The following RBBP5 variants were observed in gnomAD, a reference collection of about 807,000 sequenced individuals.
RBBP5 encodes the protein RB binding protein 5, histone lysine methyltransferase complex subunit.
RBBP5 carries 5 observed loss-of-function variants against 72.2 expected under a neutral mutation model. The ratio of observed to expected loss-of-function variants is 0.07; its 90% confidence interval spans 0.04 to 0.15. The LOEUF (loss-of-function observed/expected upper bound fraction) is 0.15. RBBP5 is among the 10% of genes least tolerant of loss of function. RBBP5 has a pLI of 1.00. For missense variants in RBBP5, 322 were observed against 652.2 expected, an observed-to-expected ratio of 0.49 and a Z score of 5.51; for synonymous variants, 209 against 237.2, an observed-to-expected ratio of 0.88 and a Z score of 1.09.
intron 1 of RBBP5, chr1:205,116,292 T>C (rs1292575850): frequency 2.7e-6 from 1 of 376,722 alleles, no homozygotes; most frequent in Non-Finnish European, 5.3e-6. Context: ...TGGTTATTTC[T>C]ATATAATATG....
At chr1:205,114,733 T>C (rs893856589) in intron 3 of RBBP5, 56 bp downstream of exon 3, 7 of 1,382,134 alleles carry the variant, frequency 5.1e-6, no homozygotes, top group Non-Finnish European at 6.8e-6. Flanking sequence ...GATTTGCAAA[T>C]ATATAGTCAT....
chr1:205,112,664 A>G (rs1009123854), intron 3 of RBBP5, among the ~76,000 whole-genome samples: 1 of 151,690 alleles, frequency 6.6e-6, no homozygotes, highest in African/African-American at 2.4e-5. Flanking sequence ...GTAGTTGAGG[A>G]AAAAAAACAG....
intron 5 of RBBP5, among the ~76,000 whole-genome samples, chr1:205,102,634 G>A (rs570138581): frequency 6.6e-6 from 1 of 152,272 alleles, no homozygotes; most frequent in African/African-American, 2.4e-5. Flanking sequence ...CCACTGAACT[G>A]TACAGTTAAA....
intron 13 of RBBP5, 46 bp downstream of exon 13, chr1:205,094,827 G>T: frequency 6.4e-7 from 1 of 1,558,648 alleles, no homozygotes; most frequent in South Asian, 1.2e-5. Context: ...GCTACACAAA[G>T]CAAGGCCACG....
chr1:205,103,763 C>A (rs1655940418), intron 5 of RBBP5, 94 bp downstream of exon 5: 7 of 1,453,320 alleles, frequency 4.8e-6, no homozygotes, highest in Non-Finnish European at 6.6e-6. Context: ...TGTGCTTAGT[C>A]CAAGAATAAA....
At chr1:205,108,681 T>C (rs183699371) in intron 3 of RBBP5, among the ~76,000 whole-genome samples, 8 of 152,334 alleles carry the variant, frequency 5.3e-5, no homozygotes, top group Admixed American at 3.9e-4. Flanking sequence ...GGAGGTGCTA[T>C]TGAGAAACTC....
rs183022744 is a variant in RBBP5, at chr1:205,117,874, A to T, written c.20-1991T>A. 1.1e-3 allele frequency among the ~76,000 whole-genome samples: 164 copies of T among 151,946 alleles called. 1 individual carries two copies. The highest frequency in any genetic ancestry group is 3.7e-3 in the African/African-American group (154 of 41,464). On this transcript the variant is annotated intron_variant, in intron 1 of 13. Coordinates refer to ENST00000264515, the MANE Select transcript of RBBP5 (RefSeq NM_005057.4). ...TTGTCTCCCAAGCTGGAATGCAATG[A>T]TGTTGGCTCCCTCCAACCTCTGCCT...
At chr1:205,113,201 ATTTTG>A (rs1656386435) in intron 3 of RBBP5, among the ~76,000 whole-genome samples, 1 of 152,124 alleles carries the variant, frequency 6.6e-6, no homozygotes, top group Admixed American at 6.5e-5. Flanking sequence ...AGTTATCTCT[ATTTTG>A]TTTTATTTTC....
intron 3 of RBBP5, among the ~76,000 whole-genome samples, chr1:205,110,279 G>A (rs1157129293): frequency 6.6e-6 from 1 of 152,000 alleles, no homozygotes; most frequent in Non-Finnish European, 1.5e-5. Flanking sequence ...CTCGGCCTCT[G>A]AAAGTGCTGG....
At chr1:205,095,095 C>A in intron 12 of RBBP5, 31 bp from the exon 13 acceptor site, 1 of 1,604,740 alleles carries the variant, frequency 6.2e-7, no homozygotes, top group Non-Finnish European at 8.5e-7. Flanking sequence ...GAAAGGAATC[C>A]ACATGACACC....
At position 205,099,092 on chromosome 1, in the gene RBBP5, T is replaced by C; in HGVS notation, c.993A>G (p.Ala331=). 1.9e-6 allele frequency: 3 copies of C among 1,606,696 alleles called. No homozygotes were observed. The highest frequency in any genetic ancestry group is 2.2e-5 in the South Asian group (2 of 89,860). ...WAQNQVENWS[A]FAPDFKELDE... ...CCAATTCTTTGAAGTCTGGTGCAAATGCACTCCAGTTTTCCTATACAACAA... is the reference window on the plus strand; with the variant it reads ...CCAATTCTTTGAAGTCTGGTGCAAACGCACTCCAGTTTTCCTATACAACAA... Residue 331 remains alanine (A), a synonymous_variant, in exon 10 of 14, where the codon GCA becomes GCG. Transcript: ENST00000264515. This position sits in a 1 kb window ranked among gnomAD's most constrained non-coding sequence, Gnocchi z 4.7.
chr1:205,097,487 A>G, intron 10 of RBBP5, 92 bp from the exon 11 acceptor site: 2 of 1,248,914 alleles, frequency 1.6e-6, no homozygotes, highest in Non-Finnish European at 2.3e-6. Flanking sequence ...GAAATTCCAG[A>G]GAAACAAAGG....
At chr1:205,111,388 C>A (rs942042618) in intron 3 of RBBP5, among the ~76,000 whole-genome samples, 6 of 152,174 alleles carry the variant, frequency 3.9e-5, no homozygotes, top group African/African-American at 1.4e-4. Flanking sequence ...TAAGATCTTA[C>A]AGGGAAGATA....
intron 10 of RBBP5, among the ~76,000 whole-genome samples, chr1:205,098,256 C>G (rs1001839657): frequency 1.3e-5 from 2 of 152,150 alleles, no homozygotes. Context: ...GTATTTTGCC[C>G]AAGGCAGTCT....
chr1:205,095,255 G>T (rs1655565226), intron 12 of RBBP5, among the ~76,000 whole-genome samples, 191 bp from the exon 13 acceptor site: 1 of 152,104 alleles, frequency 6.6e-6, no homozygotes, highest in African/African-American at 2.4e-5. Flanking sequence ...TGGCCAAAAG[G>T]CACACATGGC....
chr1:205,115,908 G>A (rs1368515377), intron 1 of RBBP5, 25 bp from the exon 2 acceptor site: 1 of 1,613,532 alleles, frequency 6.2e-7, no homozygotes, highest in Non-Finnish European at 8.5e-7. Context: ...AGAAAGAGTT[G>A]ATGGCACATG....
chr1:205,101,039 C>T (rs562815091), intron 6 of RBBP5, among the ~76,000 whole-genome samples: 6 of 152,330 alleles, frequency 3.9e-5, no homozygotes, highest in African/African-American at 7.2e-5. Flanking sequence ...TAATGCTCAC[C>T]TCCAGCTGTG....
chr1:205,088,581 G>T lies in RBBP5; in HGVS notation c.*206C>A. ...ATCTTCATTCCTGAGAGTCTATTTG[G>T]ACTTATGCTTGAAAGGGAAGGGAAG... On this transcript the variant is annotated 3_prime_UTR_variant, in exon 14 of 14. Transcript: ENST00000264515. 1.9e-6 allele frequency: 1 copy of T among 536,348 alleles called. No individual in the cohort carries two copies. Among genetic ancestry groups the T allele is most frequent in the Non-Finnish European group, 3.2e-6 (1 of 307,950 alleles). The allele number at this position is 536,348 out of a possible 1,614,324, so 33.2% of individuals were successfully genotyped here. A position where few individuals can be genotyped will look rare whatever the true frequency, so the allele number is the denominator to read the frequency against.
chr1:205,101,551 A>T (rs958007062), intron 6 of RBBP5, 49 bp downstream of exon 6: 1 of 1,328,688 alleles, frequency 7.5e-7, no homozygotes, highest in Admixed American at 2.3e-5. Flanking sequence ...GTATTTTTGC[A>T]TTCTATTCAC....
Sources: allele counts gnomAD v4.1 joint callset (sites outside exome capture counted in the v4.1 genomes callset), GRCh38; gene constraint gnomAD v4.1.1; non-coding constraint Gnocchi (gnomAD v3.1); transcripts MANE v1.5; gene names NCBI Gene and HGNC (gene_info 2026-07-23, HGNC 2026-07-21).